Variants in WDR88 observed in about 807,000 individuals in gnomAD.
WDR88 encodes the protein WD repeat domain 88.
A neutral mutation model predicts 46.8 loss-of-function variants in WDR88; 40 were observed. The ratio of observed to expected loss-of-function variants is 0.86; its 90% CI spans 0.66 to 1.11. The LOEUF (loss-of-function observed/expected upper bound fraction) is 1.11, where lower values mean the gene tolerates loss of function less well. Among genes scored for constraint, WDR88 ranks in the 50% most tolerant of loss-of-function variants. The probability of loss-of-function intolerance (pLI) is 0.00; values close to 1 mark genes in which losing one functional copy is unlikely to be tolerated. For synonymous variants in WDR88, 235 were observed against 240.7 expected, an observed-to-expected ratio of 0.98 and a Z score of 0.22; for missense variants, 562 against 602.4, an observed-to-expected ratio of 0.93 and a Z score of 0.70.
chr19:33,135,197 A>G (rs1232327839), intron 1 of WDR88, among the ~76,000 whole-genome samples: 1 of 151,986 alleles, frequency 6.6e-6, no homozygotes, highest in Non-Finnish European at 1.5e-5. Context: ...TGTACTCCCC[A>G]GTTCCCCAAT....
chr19:33,146,124 C>A lies in WDR88; in HGVS notation c.476+1192C>A, dbSNP rs1478918962. ...CTAGCCTGACCAACATGGAGAAACC[C>A]CGGTCTCTACTAAAAATACAAAATT... On this transcript the variant is annotated intron_variant, in intron 3 of 10. Coordinates refer to ENST00000355868, the MANE Select transcript of WDR88 (RefSeq NM_173479.4). Among the ~76,000 whole-genome samples the A allele has an allele frequency of 2.6e-5, 4 of 152,062 alleles. No individual in the cohort carries two copies. The East Asian group carries it at 7.8e-4, about 30-fold the overall frequency.
chr19:33,161,727 G>T (rs2070171382), intron 8 of WDR88, among the ~76,000 whole-genome samples: 2 of 152,174 alleles, frequency 1.3e-5, no homozygotes, highest in African/African-American at 2.4e-5. Context: ...CACTTTGGGA[G>T]GCTGAGGCTG....
At chr19:33,163,848 G>T (rs1317709882) in intron 8 of WDR88, among the ~76,000 whole-genome samples, 1 of 152,004 alleles carries the variant, frequency 6.6e-6, no homozygotes, top group Admixed American at 6.6e-5. Context: ...TGCCCGGGCT[G>T]GTCTCAAACT....
At chr19:33,148,261 G>C (rs538789320) in intron 4 of WDR88, among the ~76,000 whole-genome samples, 1 of 152,012 alleles carries the variant, frequency 6.6e-6, no homozygotes, top group African/African-American at 2.4e-5. Flanking sequence ...GGGCCTCCTC[G>C]GGGTCTCCTG....
intron 1 of WDR88, among the ~76,000 whole-genome samples, chr19:33,134,585 G>A (rs1232265142): frequency 1.3e-5 from 2 of 151,974 alleles, no homozygotes; most frequent in African/African-American, 4.8e-5. Context: ...GGTCGCCAGA[G>A]GCGGGGGCGG....
intron 7 of WDR88, 85 bp downstream of exon 7, chr19:33,156,627 GCAATTTC>G: frequency 6.9e-7 from 1 of 1,440,356 alleles, no homozygotes; most frequent in Admixed American, 2.3e-5. Context: ...GGACAGAGAG[GCAATTTC>G]CAATGATGCT....
At chr19:33,140,935 ATTTT>A (rs576514149) in intron 2 of WDR88, among the ~76,000 whole-genome samples, 11 of 127,108 alleles carry the variant, frequency 8.7e-5, no homozygotes, top group African/African-American at 1.9e-4. Context: ...CCAAACTTAC[ATTTT>A]TTTTTTTTTT....
chr19:33,166,829 T>C (rs1207018512), intron 9 of WDR88, among the ~76,000 whole-genome samples: 1 of 151,748 alleles, frequency 6.6e-6, no homozygotes, highest in Non-Finnish European at 1.5e-5. Flanking sequence ...GATGGGAGGA[T>C]GGTTTGAGCA....
chr19:33,148,530 T>A (rs1268653050), intron 4 of WDR88, among the ~76,000 whole-genome samples: 1 of 152,028 alleles, frequency 6.6e-6, no homozygotes, highest in Non-Finnish European at 1.5e-5. Context: ...AGCCTCAAAC[T>A]CCTGGGCTCA....
chr19:33,157,683 G>GTATA (rs1308682582), intron 7 of WDR88, among the ~76,000 whole-genome samples: 10 of 6,436 alleles, frequency 1.6e-3, no homozygotes, highest in Non-Finnish European at 3.3e-3. Flanking sequence ...GTGTGTGTAT[G>GTATA]TATGTATATA....
At chr19:33,156,262 G>A in intron 6 of WDR88, 93 bp from the exon 7 acceptor site, 1 of 1,344,508 alleles carries the variant, frequency 7.4e-7, no homozygotes, top group Non-Finnish European at 1.0e-6. Context: ...CCGACCATGA[G>A]CTCACAGGAG....
chr19:33,165,694 A>G (rs1436883033), intron 9 of WDR88, among the ~76,000 whole-genome samples: 1 of 151,712 alleles, frequency 6.6e-6, no homozygotes, highest in Non-Finnish European at 1.5e-5. Context: ...GGAGTCCGAG[A>G]CCAGCCTGGC....
Position 33,175,608 on chromosome 19 carries a change from C to T in WDR88, c.*36C>T. The stretch of plus-strand genomic sequence containing the variant: ...CCCCTTTGAGTGACTCCAGCACAGG[C>T]TACCTAGCATGTAGGTTTCGGGGCT... On this transcript the variant is annotated 3_prime_UTR_variant, in exon 11 of 11. Transcript: ENST00000355868. 3.1e-6 allele frequency: 5 copies of T among 1,612,214 alleles called. No homozygotes were observed. Among genetic ancestry groups the T allele is most frequent in the Non-Finnish European group, 4.2e-6 (5 of 1,179,000 alleles).
At chr19:33,143,337 CAA>C (rs59380405) in intron 2 of WDR88, among the ~76,000 whole-genome samples, 1,978 of 49,152 alleles carry the variant, frequency 0.04, 26 homozygotes, top group African/African-American at 0.09. Flanking sequence ...GATCCAGTGT[CAA>C]AAAAAAAAAA....
In WDR88 at chr19:33,156,533, G is replaced by A. The variant is rs1327366823; in HGVS notation, c.988G>A (p.Ala330Thr). The change falls in exon 7 of 11, where the codon GCC becomes ACC. Residue 330 changes from alanine to threonine, a missense_variant. Physicochemically the swap from Ala to Thr is moderately conservative, Grantham distance 58 (BLOSUM62 0). Coordinates refer to ENST00000355868, the MANE Select transcript of WDR88 (RefSeq NM_173479.4). ...AGGTTCTGTCAGTTCCTGTCACTTT[G>A]CCAGAGACAGTGAGTAATTAACATG... ...HEGSVSSCHF[A>T]RDSSFLISGG... 1 of 1,612,700 alleles carries A rather than the reference G, an allele frequency of 6.2e-7. No individual in the cohort carries two copies. The highest frequency in any genetic ancestry group is 8.5e-7 in the Non-Finnish European group (1 of 1,179,278).
chr19:33,171,229 G>A (rs1379777029), intron 9 of WDR88, among the ~76,000 whole-genome samples: 2 of 152,170 alleles, frequency 1.3e-5, no homozygotes, highest in East Asian at 1.9e-4. Context: ...CAGGTGATCC[G>A]CCTGCCTTGG....
Position 33,148,923 on chromosome 19 carries a change from G to A in WDR88, c.679+13G>A, listed in dbSNP as rs545774982. ...TCCGTCATCAAAGGTGAGGGTGTGC[G>A]GGCTCCCTGTATCTTCAGTCTGCCA... On this transcript the variant is annotated intron_variant, in intron 5 of 10. Transcript: ENST00000355868. 8.7e-6 allele frequency: 14 copies of A among 1,613,816 alleles called. No individual in the cohort carries two copies. The highest frequency in any genetic ancestry group is 1.3e-5 in the African/African-American group (1 of 75,008).
At chr19:33,160,271 G>A in intron 7 of WDR88, 143 bp from the exon 8 acceptor site, 1 of 817,366 alleles carries the variant, frequency 1.2e-6, no homozygotes, top group South Asian at 1.4e-5. Context: ...TTGGCTTGGG[G>A]TCGTGGAGCC....
intron 2 of WDR88, 141 bp from the exon 3 acceptor site, chr19:33,144,703 G>T: frequency 1.4e-6 from 1 of 727,588 alleles, no homozygotes. Context: ...CTCTTTCGGA[G>T]CTGAGTGAGA....
Sources: allele counts gnomAD v4.1 joint callset (sites outside exome capture counted in the v4.1 genomes callset), GRCh38; gene constraint gnomAD v4.1.1; transcripts MANE v1.5; gene names NCBI Gene and HGNC (gene_info 2026-07-23, HGNC 2026-07-21).